AKR1D1: variants seen among roughly 807,000 people sequenced by gnomAD.
The protein encoded by AKR1D1 is aldo-keto reductase family 1 member D1.
A neutral mutation model predicts 42.6 loss-of-function variants in AKR1D1; 32 were observed. That is an observed-to-expected ratio of 0.75 (90% confidence interval 0.57 to 1.01). The LOEUF (loss-of-function observed/expected upper bound fraction) is 1.01, where lower values mean the gene tolerates loss of function less well. Ranked by LOEUF, AKR1D1 falls within the 50% of genes least tolerant of loss-of-function variation. The pLI, the probability that AKR1D1 is intolerant of heterozygous loss-of-function variation, is 0.00. For missense variants in AKR1D1, 364 were observed against 402.2 expected (o/e 0.91, Z 0.81); for synonymous variants, 123 against 135.5 (o/e 0.91, Z 0.64).
At position 138,115,339 on chromosome 7, in the gene AKR1D1, C is replaced by T. The variant is rs79720007; in HGVS notation, c.939-1281C>T. Among the ~76,000 whole-genome samples the T allele has an allele frequency of 3.3e-3, 499 of 152,116 alleles. 4 individuals carry two copies. Among genetic ancestry groups the T allele is most frequent in the Non-Finnish European group, 5.4e-3 (364 of 67,984 alleles). On this transcript the variant is annotated intron_variant, in intron 8 of 8. Coordinates refer to ENST00000242375, the MANE Select transcript of AKR1D1 (RefSeq NM_005989.4). The stretch of plus-strand genomic sequence containing the variant: ...CACCTGTAGTACTAGCTACTTAGGA[C>T]GCTGAGGTGGGAGGATCACTTGGAC...
rs559551165 is a variant in AKR1D1 at position 138,098,169 on chromosome 7, G to T, written c.456+226G>T. Reference sequence around the variant, plus strand: ...GGAATGCCAAAGAAAAGAGAGAGGGGTGGAAGGAAAAACAGTGTAAACAAA... The same window carrying T: ...GGAATGCCAAAGAAAAGAGAGAGGGTTGGAAGGAAAAACAGTGTAAACAAA... On this transcript the variant is annotated intron_variant, in intron 4 of 8. Transcript: ENST00000242375. 3 of 507,590 alleles carry T rather than the reference G, an allele frequency of 5.9e-6. No homozygotes were observed. In the South Asian group the frequency reaches 9.2e-5, roughly 16 times the overall value. 31.4% of individuals were successfully genotyped at this position (507,590 alleles called of 1,614,324 possible).
In AKR1D1 at chr7:138,113,031, T is replaced by C. The variant is rs540761742; in HGVS notation, c.856-659T>C. Among the ~76,000 whole-genome samples the C allele has an allele frequency of 3.3e-5, 5 of 152,270 alleles. No individual in the cohort carries two copies. In the South Asian group the frequency reaches 8.3e-4, roughly 25 times the overall value. ...TAAAAGTTTTTTTAAAAAGCAAATT[T>C]AGGCCAGGCGTGGTGAGGCTCATGC... On this transcript the variant is annotated intron_variant, in intron 7 of 8. Coordinates refer to ENST00000242375, the MANE Select transcript of AKR1D1 (RefSeq NM_005989.4).
intron 7 of AKR1D1, among the ~76,000 whole-genome samples, chr7:138,112,424 A>G (rs1403752212): frequency 1.3e-5 from 2 of 152,246 alleles, no homozygotes; most frequent in African/African-American, 2.4e-5. Flanking sequence ...CATCTACACA[A>G]TGAATACCAT....
chr7:138,101,120 C>T (rs1794299857), intron 4 of AKR1D1, among the ~76,000 whole-genome samples: 1 of 151,686 alleles, frequency 6.6e-6, no homozygotes, highest in South Asian at 2.1e-4. Flanking sequence ...ATTTATAGAA[C>T]ACTTCACCAA....
chr7:138,081,775 T>C (rs1585719152), intron 1 of AKR1D1, among the ~76,000 whole-genome samples: 1 of 151,946 alleles, frequency 6.6e-6, no homozygotes, highest in Admixed American at 6.6e-5. Flanking sequence ...AGAGACGGGG[T>C]TTCTCCCTGT....
At position 138,117,096 on chromosome 7, in the gene AKR1D1, A is replaced by C; in HGVS notation, c.*434A>C. On this transcript the variant is annotated 3_prime_UTR_variant, in exon 9 of 9. Transcript: ENST00000242375. Reference sequence around the variant, plus strand: ...GGCTTTGGACCATTGGTTACAAAACAGACACAGCCAAGATAAGATCCACAC... The same window carrying C: ...GGCTTTGGACCATTGGTTACAAAACCGACACAGCCAAGATAAGATCCACAC... The C allele has an allele frequency of 3.1e-5, 5 of 163,002 alleles. No individual in the cohort carries two copies. The highest frequency in any genetic ancestry group is 5.9e-5 in the Admixed American group (1 of 16,844). 10.1% of individuals were successfully genotyped at this position (163,002 alleles called of 1,614,324 possible). A position where few individuals can be genotyped will look rare whatever the true frequency, so the allele number is the denominator to read the frequency against.
At position 138,106,629 on chromosome 7, in the gene AKR1D1, ACCCAG is replaced by A; in HGVS notation, c.604_608del (p.Gln202LysfsTer10). 1 of 1,614,116 alleles carries A rather than the reference ACCCAG, an allele frequency of 6.2e-7. No individual in the cohort carries two copies. Among genetic ancestry groups the A allele is most frequent in the Admixed American group, 1.7e-5 (1 of 60,022 alleles). ...ATAGGTTGAGTGCCATCCGTATTTC[ACCCAG>A]CCAAAACTCTTGAAATTTTGCCAAC... On this transcript the variant is annotated frameshift_variant, in exon 6 of 9. Coordinates refer to ENST00000242375, the MANE Select transcript of AKR1D1 (RefSeq NM_005989.4). LOFTEE classifies it high-confidence loss of function.
rs569934500 is a variant in AKR1D1 at position 138,090,735 on chromosome 7, T to C, written c.262-1033T>C. Among the ~76,000 whole-genome samples the C allele has an allele frequency of 1.5e-4, 23 of 152,144 alleles. No individual in the cohort carries two copies. The South Asian group carries it at 1.9e-3, about 12-fold the overall frequency. On this transcript the variant is annotated intron_variant, in intron 2 of 8. Transcript: ENST00000242375. ...ACTGATATTCCAAAAGATGTACTAATTTGTCCTGTGGGTATAAGCAACCTT... is the reference window on the plus strand; with the variant it reads ...ACTGATATTCCAAAAGATGTACTAACTTGTCCTGTGGGTATAAGCAACCTT...
chr7:138,087,072 G>A (rs983582017), intron 1 of AKR1D1, among the ~76,000 whole-genome samples: 2 of 152,196 alleles, frequency 1.3e-5, no homozygotes, highest in Admixed American at 1.3e-4. Flanking sequence ...CCTGAGACTG[G>A]ATAACTGATA....
intron 1 of AKR1D1, among the ~76,000 whole-genome samples, chr7:138,077,948 T>C (rs1802974921): frequency 6.6e-6 from 1 of 152,106 alleles, no homozygotes; most frequent in Non-Finnish European, 1.5e-5. Context: ...TTGAACACCA[T>C]GCTAAGGAGT....
At chr7:138,077,885 G>T (rs1802973735) in intron 1 of AKR1D1, among the ~76,000 whole-genome samples, 1 of 152,186 alleles carries the variant, frequency 6.6e-6, no homozygotes. Context: ...GGAGTTAATG[G>T]TGATGGCAGC....
intron 2 of AKR1D1, among the ~76,000 whole-genome samples, chr7:138,089,210 G>C (rs1372763135): frequency 6.6e-6 from 1 of 151,904 alleles, no homozygotes; most frequent in Non-Finnish European, 1.5e-5. Context: ...AATTAGCCAG[G>C]CATGGTAACT....
At chr7:138,090,167 C>T (rs1400332619) in intron 2 of AKR1D1, among the ~76,000 whole-genome samples, 2 of 152,062 alleles carry the variant, frequency 1.3e-5, no homozygotes, top group African/African-American at 2.4e-5. Context: ...GATGGGATTG[C>T]AATAGGAACA....
intron 4 of AKR1D1, among the ~76,000 whole-genome samples, chr7:138,103,650 AC>A (rs1794360547): frequency 6.6e-6 from 1 of 152,080 alleles, no homozygotes; most frequent in South Asian, 2.1e-4. Context: ...ACACACACTC[AC>A]CAAATACCGG....
chr7:138,116,531 G>A (rs1794636236), intron 8 of AKR1D1, 89 bp from the exon 9 acceptor site: 2 of 1,368,702 alleles, frequency 1.5e-6, no homozygotes, highest in Non-Finnish European at 2.1e-6. Flanking sequence ...AGGGGTAGTG[G>A]TCAGTGAAAT....
chr7:138,088,857 T>TGA, intron 2 of AKR1D1, 89 bp downstream of exon 2: 1 of 1,377,162 alleles, frequency 7.3e-7, no homozygotes. Context: ...TGTGTGTGTG[T>TGA]AATTGCACTC....
chr7:138,093,904 T>C (rs1315838813), intron 3 of AKR1D1, among the ~76,000 whole-genome samples: 7 of 152,196 alleles, frequency 4.6e-5, no homozygotes, highest in African/African-American at 1.7e-4. Context: ...TAAACTCTAT[T>C]ATAATCTTAT....
intron 2 of AKR1D1, among the ~76,000 whole-genome samples, chr7:138,089,570 C>T (rs1046251876): frequency 4.6e-5 from 7 of 151,950 alleles, no homozygotes; most frequent in Non-Finnish European, 1.0e-4. Flanking sequence ...ATGATAGAGG[C>T]TAAAGTTAGC....
At chr7:138,082,661 T>G (rs1302920978) in intron 1 of AKR1D1, among the ~76,000 whole-genome samples, 1 of 152,184 alleles carries the variant, frequency 6.6e-6, no homozygotes, top group Non-Finnish European at 1.5e-5. Flanking sequence ...AGTGCTGAGA[T>G]TATAGGCATG....
Sources: allele counts gnomAD v4.1 joint callset (sites outside exome capture counted in the v4.1 genomes callset), GRCh38; gene constraint gnomAD v4.1.1; transcripts MANE v1.5; gene names NCBI Gene and HGNC (gene_info 2026-07-23, HGNC 2026-07-21).